SERPINA4: variants seen among roughly 807,000 people sequenced by gnomAD.
The protein encoded by SERPINA4 is serpin family A member 4.
Under a neutral mutation model 25.4 loss-of-function variants are expected in SERPINA4, and 24 were observed. The ratio of observed to expected loss-of-function variants is 0.95; its 90% CI spans 0.69 to 1.33. SERPINA4 has a LOEUF of 1.33. Among genes scored for constraint, SERPINA4 ranks in the 40% most tolerant of loss-of-function variants. The pLI is 0.00. For missense variants in SERPINA4, 553 were observed against 535.8 expected (o/e 1.03, Z -0.32); for synonymous variants, 242 against 223.6 (o/e 1.08, Z -0.73).
At chr14:94,567,860 G>C (rs1902268906) in intron 3 of SERPINA4, among the ~76,000 whole-genome samples, 1 of 152,186 alleles carries the variant, frequency 6.6e-6, no homozygotes, top group African/African-American at 2.4e-5. Flanking sequence ...GCTTACATCT[G>C]TCTCCCTGGG....
chr14:94,564,140 C>A lies in SERPINA4; in HGVS notation c.649+9C>A. On this transcript the variant is annotated intron_variant, in intron 2 of 4. Coordinates refer to ENST00000557004, the MANE Select transcript of SERPINA4 (RefSeq NM_006215.4). ...TTACATTTACTTCAAAGGTGAGAGT[C>A]AGATCATTGGTATATGCTAAATCCA... The A allele has an allele frequency of 6.3e-7, 1 of 1,599,202 alleles. No homozygotes were observed. The highest frequency in any genetic ancestry group is 1.1e-5 in the South Asian group (1 of 90,988).
chr14:94,564,952 A>T (rs905779954), intron 2 of SERPINA4, among the ~76,000 whole-genome samples: 1 of 152,342 alleles, frequency 6.6e-6, no homozygotes. Context: ...ATTCACACAC[A>T]TATATGTCCA....
chr14:94,569,722 G>T lies in SERPINA4; in HGVS notation c.*127G>T, dbSNP rs907855665. Reference sequence around the variant, plus strand: ...AAGGTCCAGGAGTCCAGGACAGCAGGTGCTGGCCGGTGGGGAGCGGGGAGG... The same window carrying T: ...AAGGTCCAGGAGTCCAGGACAGCAGTTGCTGGCCGGTGGGGAGCGGGGAGG... On this transcript the variant is annotated 3_prime_UTR_variant, in exon 5 of 5. Transcript: ENST00000557004. The T allele has an allele frequency of 2.0e-6, 2 of 1,002,788 alleles. No individual in the cohort carries two copies. The highest frequency in any genetic ancestry group is 3.2e-5 in the African/African-American group (2 of 62,526). 62.1% of individuals were successfully genotyped at this position (1,002,788 alleles called of 1,614,324 possible).
intron 1 of SERPINA4, among the ~76,000 whole-genome samples, chr14:94,562,409 A>G (rs993394002): frequency 9.9e-5 from 15 of 151,684 alleles, no homozygotes; most frequent in African/African-American, 3.6e-4. Context: ...TGAGACCCCA[A>G]CTCTATAAAA....
chr14:94,569,646 G>A lies in SERPINA4; in HGVS notation c.*51G>A. The A allele has an allele frequency of 6.3e-7, 1 of 1,585,006 alleles. No homozygotes were observed. The highest frequency in any genetic ancestry group is 8.7e-7 in the Non-Finnish European group (1 of 1,154,720). The stretch of plus-strand genomic sequence containing the variant: ...CAAGCAGGAGGATGTGGCAGGGGAG[G>A]GCTGGGAGTGAGTAGCTCTGTGTTT... On this transcript the variant is annotated 3_prime_UTR_variant, in exon 5 of 5. Coordinates refer to ENST00000557004, the MANE Select transcript of SERPINA4 (RefSeq NM_006215.4).
intron 4 of SERPINA4, 121 bp from the exon 5 acceptor site, chr14:94,569,274 A>C (rs1456087967): frequency 5.7e-6 from 5 of 873,204 alleles, no homozygotes; most frequent in Non-Finnish European, 8.7e-6. Flanking sequence ...GTTATCCCCA[A>C]GAAATGGCCT....
chr14:94,562,007 A>G (rs1902043718), intron 1 of SERPINA4, among the ~76,000 whole-genome samples: 1 of 152,250 alleles, frequency 6.6e-6, no homozygotes, highest in South Asian at 2.1e-4. Flanking sequence ...CCATGAGCTA[A>G]GAATGCAAGA....
chr14:94,563,870 C>A lies in SERPINA4; in HGVS notation c.388C>A (p.Leu130Ile), dbSNP rs1005567243. The part of the protein sequence containing the change: ...GFQHLLHTLN[L>I]PGHGLETRVG... ...CCAGCACCTCCTGCACACTCTCAAC[C>A]TCCCCGGCCATGGGCTGGAAACACG... Residue 130 changes from leucine to isoleucine, a missense_variant, in exon 2 of 5, where the codon CTC (leucine) becomes ATC (isoleucine). Leu to Ile is a conservative substitution (Grantham distance 5). Coordinates refer to ENST00000557004, the MANE Select transcript of SERPINA4 (RefSeq NM_006215.4). 1.5e-5 allele frequency: 24 copies of A among 1,614,050 alleles called. No individual in the cohort carries two copies. The Admixed American group carries it at 2.7e-4, about 18-fold the overall frequency.
chr14:94,568,363 C>T (rs903393362), intron 4 of SERPINA4, 75 bp downstream of exon 4: 76 of 1,506,184 alleles, frequency 5.0e-5, no homozygotes, highest in Non-Finnish European at 6.6e-5. Context: ...GGCGATGGGG[C>T]TCCCAAGCTG....
chr14:94,564,330 A>T (rs1233076317), intron 2 of SERPINA4, among the ~76,000 whole-genome samples, 199 bp downstream of exon 2: 1 of 152,184 alleles, frequency 6.6e-6, no homozygotes, highest in South Asian at 2.1e-4. Context: ...ATTCCTTCCT[A>T]TCTTTAGACA....
At chr14:94,561,523 G>T (rs1034326727) in intron 1 of SERPINA4, 29 bp downstream of exon 1, 2 of 564,924 alleles carry the variant, frequency 3.5e-6, no homozygotes, top group South Asian at 3.8e-5. Context: ...CAATGGAGAC[G>T]AGAGACTCTA....
chr14:94,569,348 C>T (rs1902319206), intron 4 of SERPINA4, 47 bp from the exon 5 acceptor site: 11 of 1,575,898 alleles, frequency 7.0e-6, no homozygotes, highest in Non-Finnish European at 8.7e-6. Context: ...TTGTCCAGGC[C>T]CCCTCTCTTG....
intron 1 of SERPINA4, 109 bp from the exon 2 acceptor site, chr14:94,563,357 G>A: frequency 1.7e-6 from 2 of 1,144,444 alleles, no homozygotes; most frequent in South Asian, 1.5e-5. Flanking sequence ...ATCTGCAGGA[G>A]TTGAGGGTGT....
rs775210302 is a variant in SERPINA4 at position 94,567,241 on chromosome 14, G to A, written c.921G>A (p.Lys307=). Residue 307 remains lysine (K), a splice_region_variant and synonymous_variant, in exon 3 of 5, where the codon AAG becomes AAA. Transcript: ENST00000557004. ...TGAGGTGGAACAACTTGTTGCGGAAGAGGTAATCAGTGTGCTATGGGGGCT... is the reference window on the plus strand; with the variant it reads ...TGAGGTGGAACAACTTGTTGCGGAAAAGGTAATCAGTGTGCTATGGGGGCT... ...MLMRWNNLLR[K]RNFYKKLELH... The A allele has an allele frequency of 4.3e-6, 7 of 1,612,536 alleles. No individual in the cohort carries two copies. The highest frequency in any genetic ancestry group is 5.9e-6 in the Non-Finnish European group (7 of 1,179,408).
rs779198337 is a variant in SERPINA4, at chr14:94,567,219, G to C, written c.899G>C (p.Arg300Thr). ...EEVLTPEMLM[R>T]WNNLLRKRNF... Reference sequence around the variant, plus strand: ...GTTCTGACTCCAGAGATGCTAATGAGGTGGAACAACTTGTTGCGGAAGAGG... The same window carrying C: ...GTTCTGACTCCAGAGATGCTAATGACGTGGAACAACTTGTTGCGGAAGAGG... Residue 300 changes from arginine (R) to threonine (T), a missense_variant, in exon 3 of 5, where the codon AGG becomes ACG. By Grantham distance (71) the Arg-to-Thr change is moderately conservative. Transcript: ENST00000557004. 6.2e-7 allele frequency: 1 copy of C among 1,613,948 alleles called. No homozygotes were observed. The highest frequency in any genetic ancestry group is 1.1e-5 in the South Asian group (1 of 91,058).
chr14:94,564,338 A>C (rs781779866), intron 2 of SERPINA4, among the ~76,000 whole-genome samples: 1 of 152,214 alleles, frequency 6.6e-6, no homozygotes, highest in Non-Finnish European at 1.5e-5. Flanking sequence ...CTATCTTTAG[A>C]CATATTTTCT....
In SERPINA4 at chr14:94,569,902, A is replaced by T; in HGVS notation, c.*307A>T. The T allele has an allele frequency of 9.5e-6, 4 of 421,510 alleles. No homozygotes were observed. Among genetic ancestry groups the T allele is most frequent in the Non-Finnish European group, 1.7e-5 (4 of 229,280 alleles). 26.1% of individuals were successfully genotyped at this position (421,510 alleles called of 1,614,324 possible). A position where few individuals can be genotyped will look rare whatever the true frequency, so the allele number is the denominator to read the frequency against. On this transcript the variant is annotated 3_prime_UTR_variant, in exon 5 of 5. Coordinates refer to ENST00000557004, the MANE Select transcript of SERPINA4 (RefSeq NM_006215.4). ...TGTACCGAGTAAACAACACGATGCC[A>T]TGAAGACCCTGGTTCAGTGTCTCGC...
Position 94,564,017 on chromosome 14 carries a change from A to G in SERPINA4, c.535A>G (p.Ile179Val). The G allele has an allele frequency of 6.2e-7, 1 of 1,613,720 alleles. No individual in the cohort carries two copies. The highest frequency in any genetic ancestry group is 8.5e-7 in the Non-Finnish European group (1 of 1,180,034). ...CAACTTCTACGACACTGTGGGCACA[A>G]TCCAGCTTATCAACGACCACGTCAA... Reference protein sequence around the residue: ...HTNFYDTVGTIQLINDHVKKE... With the variant: ...HTNFYDTVGTVQLINDHVKKE... Residue 179 changes from isoleucine to valine, a missense_variant, in exon 2 of 5, where the codon ATC (isoleucine) becomes GTC (valine). Ile to Val is a conservative substitution (Grantham distance 29). Transcript: ENST00000557004.
At position 94,568,188 on chromosome 14, in the gene SERPINA4, T is replaced by A; in HGVS notation, c.983T>A (p.Val328Glu). 6.2e-7 allele frequency: 1 copy of A among 1,614,260 alleles called. No homozygotes were observed. The highest frequency in any genetic ancestry group is 8.5e-7 in the Non-Finnish European group (1 of 1,180,038). The change falls in exon 4 of 5, where the codon GTA (valine) becomes GAA (glutamate). Residue 328 changes from valine to glutamate, a missense_variant. Physicochemically the swap from Val to Glu is moderately radical, Grantham distance 121. Transcript: ENST00000557004. ...AAGTTCTCCATTTCTGGCTCCTATGTATTAGATCAGATTTTGCCCAGGCTG... is the reference window on the plus strand; with the variant it reads ...AAGTTCTCCATTTCTGGCTCCTATGAATTAGATCAGATTTTGCCCAGGCTG... ...LPKFSISGSY[V>E]LDQILPRLGF...
Sources: gnomAD v4.1 joint callset for allele counts (sites outside exome capture counted in the v4.1 genomes callset) on GRCh38, gnomAD v4.1.1 for gene constraint, MANE v1.5 for transcripts, NCBI Gene and HGNC (gene_info 2026-07-23, HGNC 2026-07-21) for gene names.